The following ATP8B2 variants were observed in gnomAD, a reference collection of about 807,000 sequenced individuals.
ATP8B2 encodes the protein phospholipid-transporting ATPase ID.
A neutral mutation model predicts 133.4 loss-of-function variants in ATP8B2; 70 were observed. The observed-to-expected ratio is 0.52, with a 90% confidence interval of 0.43 to 0.64. The LOEUF (loss-of-function observed/expected upper bound fraction) is 0.64. Ranked by LOEUF, ATP8B2 falls within the 30% of genes least tolerant of loss-of-function variation. The pLI is 0.00. For synonymous variants in ATP8B2, 517 were observed against 589.5 expected, an observed-to-expected ratio of 0.88 and a Z score of 1.78; for missense variants, 1,101 against 1,535.7, an observed-to-expected ratio of 0.72 and a Z score of 4.73.
rs1177820546 is a variant in ATP8B2 at position 154,331,825 on chromosome 1, G to T, written c.439-129G>T. 7 of 1,300,990 alleles carry T rather than the reference G, an allele frequency of 5.4e-6. No individual in the cohort carries two copies. The highest frequency in any genetic ancestry group is 3.3e-6 in the Non-Finnish European group (3 of 902,484). 80.6% of individuals were successfully genotyped at this position (1,300,990 alleles called of 1,614,324 possible). ...AGGGGCTTCTGTGTCATGCTGATAT[G>T]CCTGGAACTAGCCATTTATGCACCT... On this transcript the variant is annotated intron_variant, in intron 7 of 27. Transcript: ENST00000368489. The surrounding 1 kb of genome is among the most constrained non-coding windows in gnomAD (Gnocchi z 4.8).
At chr1:154,329,994 CA>C (rs1481837291) in intron 2 of ATP8B2, among the ~76,000 whole-genome samples, 5 of 152,126 alleles carry the variant, frequency 3.3e-5, no homozygotes, top group Admixed American at 6.5e-5. Context: ...CAGTGGTCCC[CA>C]GGGGGAAGGA....
In ATP8B2 at chr1:154,346,518, T is replaced by C; in HGVS notation, c.3024+42T>C. ...GAACTCCCCTCTTCTCTGGAAGGAGTGAGCCTTCTGTCCCTGGGGCTGCCC... is the reference window on the plus strand; with the variant it reads ...GAACTCCCCTCTTCTCTGGAAGGAGCGAGCCTTCTGTCCCTGGGGCTGCCC... On this transcript the variant is annotated intron_variant, in intron 25 of 27. Coordinates refer to ENST00000368489, the MANE Select transcript of ATP8B2 (RefSeq NM_001370597.1). This position sits in a 1 kb window ranked among gnomAD's most constrained non-coding sequence, Gnocchi z 4.5. 1 of 1,604,274 alleles carries C rather than the reference T, an allele frequency of 6.2e-7. No individual in the cohort carries two copies. Among genetic ancestry groups the C allele is most frequent in the Non-Finnish European group, 8.5e-7 (1 of 1,173,930 alleles).
chr1:154,328,671 G>C lies in ATP8B2; in HGVS notation c.31+499G>C, dbSNP rs1443438944. ...CTTTCGCCTACGCGGCGCGCTGGCA[G>C]GCTGCGGCTCCTGCAGTCGGGGAGC... is the stretch of plus-strand genomic sequence containing the variant. On this transcript the variant is annotated intron_variant, in intron 2 of 27. Transcript: ENST00000368489. The surrounding 1 kb of genome is among the most constrained non-coding windows in gnomAD (Gnocchi z 4.6). 1 of 646,874 alleles carries C rather than the reference G, an allele frequency of 1.5e-6. No homozygotes were observed. The highest frequency in any genetic ancestry group is 2.0e-5 in the African/African-American group (1 of 51,084). 40.1% of individuals were successfully genotyped at this position (646,874 alleles called of 1,614,324 possible).
chr1:154,343,755 T>A lies in ATP8B2; in HGVS notation c.1759-138T>A. ...AGCCAGCTCCCATAGTTACCTCTTT[T>A]TATGTATGTGGTGACAGTCCCTAAC... On this transcript the variant is annotated intron_variant, in intron 17 of 27. Coordinates refer to ENST00000368489, the MANE Select transcript of ATP8B2 (RefSeq NM_001370597.1). This position sits in a 1 kb window ranked among gnomAD's most constrained non-coding sequence, Gnocchi z 5.8. 8.8e-7 allele frequency: 1 copy of A among 1,141,326 alleles called. No homozygotes were observed. Among genetic ancestry groups the A allele is most frequent in the Non-Finnish European group, 1.2e-6 (1 of 811,674 alleles). 70.7% of individuals were successfully genotyped at this position (1,141,326 alleles called of 1,614,324 possible). A position where few individuals can be genotyped will look rare whatever the true frequency, so the allele number is the denominator to read the frequency against.
At chr1:154,332,061 T>A (rs1190479153) in intron 8 of ATP8B2, 37 bp downstream of exon 8, 1 of 1,590,830 alleles carries the variant, frequency 6.3e-7, no homozygotes, top group Admixed American at 1.7e-5. Context: ...TCTCCTTCTG[T>A]CTCTTTGGAG....
At chr1:154,337,109 T>G (rs1016539212) in intron 11 of ATP8B2, among the ~76,000 whole-genome samples, 2 of 73,902 alleles carry the variant, frequency 2.7e-5, no homozygotes, top group Non-Finnish European at 3.3e-5. Flanking sequence ...ATAATAGTTT[T>G]TTTTTTTTTT....
chr1:154,326,294 C>T (rs1196766162), intron 1 of ATP8B2, among the ~76,000 whole-genome samples: 1 of 152,148 alleles, frequency 6.6e-6, no homozygotes, highest in Non-Finnish European at 1.5e-5. Context: ...TCCTGTTTCC[C>T]TGACCTGCCA....
chr1:154,337,305 T>G (rs1384449379), intron 11 of ATP8B2, 43 bp from the exon 12 acceptor site: 1 of 1,577,744 alleles, frequency 6.3e-7, no homozygotes, highest in Non-Finnish European at 8.6e-7. Flanking sequence ...TTTTGAGGGC[T>G]TCCTACATGT....
In ATP8B2 at chr1:154,343,689, T is replaced by C. The variant is rs1686466977; in HGVS notation, c.1758+121T>C. On this transcript the variant is annotated intron_variant, in intron 17 of 27. Coordinates refer to ENST00000368489, the MANE Select transcript of ATP8B2 (RefSeq NM_001370597.1). The surrounding 1 kb of genome is among the most constrained non-coding windows in gnomAD (Gnocchi z 5.8). The stretch of plus-strand genomic sequence containing the variant: ...ACAACGTGATGTTTTGATGTGTATA[T>C]ATAGTGAAGTGATTACTACAGTCAG... The C allele has an allele frequency of 9.7e-7, 1 of 1,034,856 alleles. No homozygotes were observed. Among genetic ancestry groups the C allele is most frequent in the African/African-American group, 1.6e-5 (1 of 62,530 alleles). The allele number at this position is 1,034,856 out of a possible 1,614,324, so 64.1% of individuals were successfully genotyped here.
intron 9 of ATP8B2, among the ~76,000 whole-genome samples, chr1:154,333,643 CTTTT>C (rs60216416): frequency 0.39 from 54,897 of 139,284 alleles, 11,944 homozygotes; most frequent in East Asian, 0.61. Context: ...CATGCTGCAG[CTTTT>C]TTTTTTTTTT....
Position 154,334,405 on chromosome 1 carries a change from T to A in ATP8B2, c.749-98T>A. Reference sequence around the variant, plus strand: ...ACAGGCTTCTTATCTAGCCAGTATCTCTATTCCACCCTGGTGTCCTGCAGT... The same window carrying A: ...ACAGGCTTCTTATCTAGCCAGTATCACTATTCCACCCTGGTGTCCTGCAGT... On this transcript the variant is annotated intron_variant, in intron 10 of 27. Coordinates refer to ENST00000368489, the MANE Select transcript of ATP8B2 (RefSeq NM_001370597.1). This position sits in a 1 kb window ranked among gnomAD's most constrained non-coding sequence, Gnocchi z 4.6. 6.6e-7 allele frequency: 1 copy of A among 1,515,610 alleles called. No individual in the cohort carries two copies. The highest frequency in any genetic ancestry group is 9.1e-7 in the Non-Finnish European group (1 of 1,100,706). The allele number at this position is 1,515,610 out of a possible 1,614,324, so 93.9% of individuals were successfully genotyped here. A position where few individuals can be genotyped will look rare whatever the true frequency, so the allele number is the denominator to read the frequency against.
At chr1:154,342,356 G>T in intron 13 of ATP8B2, 124 bp from the exon 14 acceptor site, 1 of 943,976 alleles carries the variant, frequency 1.1e-6, no homozygotes, top group Non-Finnish European at 1.7e-6. Flanking sequence ...CACTGTGACA[G>T]CTGCTCAGCG....
chr1:154,326,330 C>G (rs893941576), intron 1 of ATP8B2, among the ~76,000 whole-genome samples: 2 of 152,076 alleles, frequency 1.3e-5, no homozygotes, highest in African/African-American at 4.8e-5. Flanking sequence ...AGTGGCCAGC[C>G]TTTGGGGCTC....
In ATP8B2 at chr1:154,346,275, G is replaced by C. The variant is rs1686579819; in HGVS notation, c.2823G>C (p.Glu941Asp). 1 of 1,614,026 alleles carries C rather than the reference G, an allele frequency of 6.2e-7. No homozygotes were observed. The highest frequency in any genetic ancestry group is 1.3e-5 in the African/African-American group (1 of 74,914). ...QRSMEYPKLYEPGQLNLLFNK... is the reference protein window; with the variant it reads ...QRSMEYPKLYDPGQLNLLFNK... The stretch of plus-strand genomic sequence containing the variant: ...GCATGGAGTACCCTAAGCTGTATGA[G>C]CCGGGCCAGCTGAACCTTCTCTTCA... Residue 941 changes from glutamate to aspartate, a missense_variant, in exon 25 of 28, where the codon GAG becomes GAC. By Grantham distance (45) the Glu-to-Asp change is conservative (BLOSUM62 2). Coordinates refer to ENST00000368489, the MANE Select transcript of ATP8B2 (RefSeq NM_001370597.1). This position sits in a 1 kb window ranked among gnomAD's most constrained non-coding sequence, Gnocchi z 4.5.
intron 14 of ATP8B2, 117 bp downstream of exon 14, chr1:154,342,640 G>C: frequency 7.0e-7 from 1 of 1,434,556 alleles, no homozygotes; most frequent in South Asian, 1.2e-5. Context: ...TGGAGAAATG[G>C]GTGTTTTAAG....
chr1:154,332,466 G>A, intron 8 of ATP8B2, 152 bp from the exon 9 acceptor site: 3 of 634,520 alleles, frequency 4.7e-6, no homozygotes, highest in South Asian at 4.0e-5. Flanking sequence ...GCTGAGGCGG[G>A]AGGATTGTTT....
chr1:154,336,580 C>T (rs573748986), intron 11 of ATP8B2, among the ~76,000 whole-genome samples: 40 of 150,936 alleles, frequency 2.7e-4, no homozygotes, highest in African/African-American at 9.0e-4. Flanking sequence ...CTCTGCCTCT[C>T]GGGTTCACGT....
Position 154,343,003 on chromosome 1 carries a change from G to A in ATP8B2, c.1453+42G>A. Reference sequence around the variant, plus strand: ...GCTCGCACTCTCCTGACCTGACTCTGCCCTTGGGCTCTGCTCTGCTCTGCA... The same window carrying A: ...GCTCGCACTCTCCTGACCTGACTCTACCCTTGGGCTCTGCTCTGCTCTGCA... On this transcript the variant is annotated intron_variant, in intron 15 of 27. Transcript: ENST00000368489. This position sits in a 1 kb window ranked among gnomAD's most constrained non-coding sequence, Gnocchi z 5.8. The A allele has an allele frequency of 1.2e-6, 2 of 1,607,764 alleles. No individual in the cohort carries two copies.
chr1:154,343,632 T>A lies in ATP8B2; in HGVS notation c.1758+64T>A. 6.8e-7 allele frequency: 1 copy of A among 1,460,494 alleles called. No individual in the cohort carries two copies. The highest frequency in any genetic ancestry group is 9.6e-7 in the Non-Finnish European group (1 of 1,045,820). The allele number at this position is 1,460,494 out of a possible 1,614,324, so 90.5% of individuals were successfully genotyped here. On this transcript the variant is annotated intron_variant, in intron 17 of 27. Transcript: ENST00000368489. This position sits in a 1 kb window ranked among gnomAD's most constrained non-coding sequence, Gnocchi z 5.8. Reference sequence around the variant, plus strand: ...TACTCTTAGTGTGGGGGAGGCGACTTAAGTTTGTTTTATTGTGTAAATTTA... The same window carrying A: ...TACTCTTAGTGTGGGGGAGGCGACTAAAGTTTGTTTTATTGTGTAAATTTA...
Sources: gnomAD v4.1 joint callset for allele counts (sites outside exome capture counted in the v4.1 genomes callset) on GRCh38, gnomAD v4.1.1 for gene constraint, Gnocchi (gnomAD v3.1) non-coding constraint, MANE v1.5 for transcripts, NCBI Gene and HGNC (gene_info 2026-07-23, HGNC 2026-07-21) for gene names.